The following GABRB1 variants were observed in gnomAD, a reference collection of about 807,000 sequenced individuals.
GABRB1 encodes the protein gamma-aminobutyric acid receptor subunit beta-1.
In GABRB1, 17 loss-of-function variants were observed where a neutral mutation model predicts 51.6. The observed-to-expected ratio is 0.33, with a 90% CI of 0.23 to 0.49. GABRB1 has a LOEUF of 0.49. Among genes scored for constraint, GABRB1 ranks in the 20% least tolerant of loss-of-function variants. The pLI is 0.99. For missense variants in GABRB1, 410 were observed against 600.6 expected, an observed-to-expected ratio of 0.68 and a Z score of 3.32; for synonymous variants, 247 against 218.9, an observed-to-expected ratio of 1.13 and a Z score of -1.14.
intron 5 of GABRB1, among the ~76,000 whole-genome samples, chr4:47,328,513 A>C (rs1026053367): frequency 1.3e-5 from 2 of 152,210 alleles, no homozygotes; most frequent in Non-Finnish European, 2.9e-5. Flanking sequence ...ACTTGGAACC[A>C]ACCCAAATGT....
chr4:47,086,911 G>A (rs972070052), intron 3 of GABRB1, among the ~76,000 whole-genome samples: 6 of 152,140 alleles, frequency 3.9e-5, no homozygotes, highest in Non-Finnish European at 8.8e-5. Context: ...TCCTAATTCT[G>A]CTGCAAAGTG....
At chr4:47,125,559 C>CTTTTTTTTTTTTGTTTTTTTTTTTTTTTT (rs1716086174) in intron 3 of GABRB1, among the ~76,000 whole-genome samples, 1 of 80,696 alleles carries the variant, frequency 1.2e-5, no homozygotes, top group Non-Finnish European at 2.5e-5. Flanking sequence ...AGTATAATTT[C>CTTTTTTTTTTTTGTTTTTTTTTTTTTTTT]TTTTTTTTTT....
At chr4:47,232,067 T>G (rs979468880) in intron 4 of GABRB1, among the ~76,000 whole-genome samples, 1 of 152,170 alleles carries the variant, frequency 6.6e-6, no homozygotes, top group African/African-American at 2.4e-5. Flanking sequence ...AAATTTGTGA[T>G]GTATCCAATA....
chr4:47,044,773 G>T (rs1434074858), intron 3 of GABRB1, among the ~76,000 whole-genome samples: 1 of 151,872 alleles, frequency 6.6e-6, no homozygotes, highest in Non-Finnish European at 1.5e-5. Context: ...CTTGCTATTG[G>T]GGTTTTCATC....
intron 4 of GABRB1, among the ~76,000 whole-genome samples, chr4:47,264,583 T>C (rs1349625063): frequency 6.6e-6 from 1 of 152,242 alleles, no homozygotes; most frequent in African/African-American, 2.4e-5. Context: ...AGGTCAAGTC[T>C]CAAATGCAAA....
upstream of GABRB1, among the ~76,000 whole-genome samples, chr4:47,030,697 T>C (rs1725260988): frequency 1.3e-5 from 2 of 152,216 alleles, no homozygotes; most frequent in Non-Finnish European, 2.9e-5. Context: ...AAACAATACT[T>C]GCTCCTGCAG....
At chr4:47,033,645 T>A (rs1431737623) in intron 3 of GABRB1, among the ~76,000 whole-genome samples, 3 of 152,246 alleles carry the variant, frequency 2.0e-5, no homozygotes, top group African/African-American at 7.2e-5. Flanking sequence ...TTTATTTTAA[T>A]ATACTATGGT....
intron 8 of GABRB1, among the ~76,000 whole-genome samples, chr4:47,416,515 A>G (rs2110063857): frequency 6.6e-6 from 1 of 151,650 alleles, no homozygotes; most frequent in African/African-American, 2.4e-5. Context: ...CAGTGGCGCA[A>G]TCGTGGCTCA....
rs186785421 is a variant in GABRB1 at position 47,214,344 on chromosome 4, G to T, written c.461+52875G>T. Reference sequence around the variant, plus strand: ...TGAACCCTCTTCTCATTTCCTTGCAGTCTCTACCTCTCAGCTCCAGAGTGG... The same window carrying T: ...TGAACCCTCTTCTCATTTCCTTGCATTCTCTACCTCTCAGCTCCAGAGTGG... On this transcript the variant is annotated intron_variant, in intron 4 of 8. Transcript: ENST00000295454. 7.5e-4 allele frequency among the ~76,000 whole-genome samples: 114 copies of T among 152,212 alleles called. 1 individual carries two copies. Among genetic ancestry groups the T allele is most frequent in the African/African-American group, 2.3e-3 (94 of 41,540 alleles).
intron 1 of GABRB1, among the ~76,000 whole-genome samples, chr4:47,015,227 T>C (rs1724709557): frequency 6.6e-6 from 1 of 152,160 alleles, no homozygotes; most frequent in Admixed American, 6.6e-5. Context: ...TTTATTATGA[T>C]GGGTCTATAA....
intron 4 of GABRB1, among the ~76,000 whole-genome samples, chr4:47,228,928 C>T (rs908748013): frequency 2.6e-5 from 4 of 152,132 alleles, no homozygotes; most frequent in Admixed American, 6.5e-5. Context: ...GTAACTACTA[C>T]AGCATATATT....
At chr4:47,148,752 A>G (rs1717288312) in intron 3 of GABRB1, among the ~76,000 whole-genome samples, 1 of 151,728 alleles carries the variant, frequency 6.6e-6, no homozygotes, top group Non-Finnish European at 1.5e-5. Context: ...AACCACACAC[A>G]GAGGACATCA....
intron 8 of GABRB1, among the ~76,000 whole-genome samples, chr4:47,412,816 G>A (rs958467764): frequency 2.6e-5 from 4 of 152,206 alleles, no homozygotes; most frequent in Non-Finnish European, 5.9e-5. Context: ...AATTTACATA[G>A]GGCATGAAAG....
At chr4:47,287,375 C>A (rs1200140388) in intron 4 of GABRB1, among the ~76,000 whole-genome samples, 1 of 152,170 alleles carries the variant, frequency 6.6e-6, no homozygotes, top group Non-Finnish European at 1.5e-5. Flanking sequence ...ATTAAGGCAT[C>A]AATATAACTT....
rs1721523778 is a variant in GABRB1 at position 47,241,564 on chromosome 4, G to A, written c.462-78563G>A. On this transcript the variant is annotated intron_variant, in intron 4 of 8. Coordinates refer to ENST00000295454, the MANE Select transcript of GABRB1 (RefSeq NM_000812.4). ...ACAATCTTTGTCTCCTTACTAAAAT[G>A]CTGACAAGGGTTGGCTTATCTTCTG... is the stretch of plus-strand genomic sequence containing the variant. Among the ~76,000 whole-genome samples, 4 of 152,006 alleles carry A rather than the reference G, an allele frequency of 2.6e-5. No homozygotes were observed. In the South Asian group the frequency reaches 6.2e-4, roughly 24 times the overall value.
intron 1 of GABRB1, among the ~76,000 whole-genome samples, chr4:47,012,083 A>G (rs754108117): frequency 6.6e-6 from 1 of 152,190 alleles, no homozygotes; most frequent in African/African-American, 2.4e-5. Flanking sequence ...TAAACACCAT[A>G]TTGAATTTGG....
intron 4 of GABRB1, among the ~76,000 whole-genome samples, chr4:47,248,197 C>T (rs1332489447): frequency 6.6e-6 from 1 of 151,926 alleles, no homozygotes; most frequent in Admixed American, 6.6e-5. Flanking sequence ...CCCTTGTATG[C>T]CAATTTTGCT....
At chr4:47,242,581 A>C (rs150251985) in intron 4 of GABRB1, among the ~76,000 whole-genome samples, 1 of 152,150 alleles carries the variant, frequency 6.6e-6, no homozygotes, top group South Asian at 2.1e-4. Flanking sequence ...TCGCTATTCT[A>C]ACTGGTATGA....
In GABRB1 at chr4:47,008,852, CCTTTTTTTTTTTTT is replaced by C. The variant is rs1326896083; in HGVS notation, c.-20+14927_-20+14940del. Among the ~76,000 whole-genome samples, 232 of 56,486 alleles carry C rather than the reference CCTTTTTTTTTTTTT, an allele frequency of 4.1e-3. 34 individuals are homozygous for C. Among genetic ancestry groups the C allele is most frequent in the Non-Finnish European group, 4.9e-3 (162 of 33,376 alleles). The allele number at this position is 56,486 out of a possible 152,430, so 37.1% of individuals were successfully genotyped here. ...CACCCTGTCACGCTATCAGATACTA[CCTTTTTTTTTTTTT>C]TTTTTTTTTTTTTTTTGAGACGAGT... On this transcript the variant is annotated intron_variant, in intron 1 of 3. Transcript: ENST00000513567.
Sources: gnomAD v4.1 joint callset for allele counts (sites outside exome capture counted in the v4.1 genomes callset) on GRCh38, gnomAD v4.1.1 for gene constraint, MANE v1.5 for transcripts, NCBI Gene and HGNC (gene_info 2026-07-23, HGNC 2026-07-21) for gene names.